Variants in TMEM204 observed in about 807,000 individuals in gnomAD.
TMEM204 encodes the protein claudin-like protein 24.
A neutral mutation model predicts 19.4 loss-of-function variants in TMEM204; 15 were observed. That is an observed-to-expected ratio of 0.77 (90% confidence interval 0.52 to 1.19). The LOEUF (loss-of-function observed/expected upper bound fraction) is 1.19. TMEM204 is among the 50% of genes most tolerant of loss of function. TMEM204 has a pLI of 0.00. For synonymous variants in TMEM204, 161 were observed against 146.0 expected, an observed-to-expected ratio of 1.10 and a Z score of -0.74; for missense variants, 287 against 321.2, an observed-to-expected ratio of 0.89 and a Z score of 0.81.
At chr16:1,548,484 C>T (rs1050922575) in intron 2 of TMEM204, among the ~76,000 whole-genome samples, 1 of 152,228 alleles carries the variant, frequency 6.6e-6, no homozygotes, top group Non-Finnish European at 1.5e-5. Context: ...GGCAACACAA[C>T]TTCATGAAAT....
At chr16:1,544,342 C>A (rs1396012052) in intron 2 of TMEM204, among the ~76,000 whole-genome samples, 1 of 151,498 alleles carries the variant, frequency 6.6e-6, no homozygotes, top group Non-Finnish European at 1.5e-5. Context: ...CGCCACCATG[C>A]CCGGCTAATT....
At chr16:1,549,771 C>T (rs1162999948) in intron 2 of TMEM204, among the ~76,000 whole-genome samples, 1 of 152,022 alleles carries the variant, frequency 6.6e-6, no homozygotes, top group African/African-American at 2.4e-5. Flanking sequence ...TTTCTAGACT[C>T]ATGACTCAGG....
At chr16:1,548,118 T>C (rs2032325771) in intron 2 of TMEM204, among the ~76,000 whole-genome samples, 1 of 152,198 alleles carries the variant, frequency 6.6e-6, no homozygotes, top group African/African-American at 2.4e-5. Context: ...CCTCTCCCTC[T>C]AGAGAGGATT....
Position 1,542,063 on chromosome 16 carries a change from A to T in TMEM204, c.423A>T (p.Ala141=). 1 of 1,607,880 alleles carries T rather than the reference A, an allele frequency of 6.2e-7. No homozygotes were observed. The highest frequency in any genetic ancestry group is 8.5e-7 in the Non-Finnish European group (1 of 1,178,028). ...APCWEEAMAA[A]FQLASFVLVI... ...GCTGGGAGGAGGCCATGGCCGCTGCATTCCAACTGGCGAGTAAGTACCTGG... is the reference window on the plus strand; with the variant it reads ...GCTGGGAGGAGGCCATGGCCGCTGCTTTCCAACTGGCGAGTAAGTACCTGG... The change falls in exon 2 of 3, where the codon GCA becomes GCT. Residue 141 remains alanine, a synonymous_variant. Transcript: ENST00000566264.
upstream of TMEM204, among the ~76,000 whole-genome samples, chr16:1,529,535 G>A (rs2030216256): frequency 2.0e-5 from 3 of 152,234 alleles, no homozygotes; most frequent in South Asian, 4.1e-4. Context: ...GCGCTCCTCA[G>A]TCTTTTGGGT....
intron 1 of TMEM204, chr16:1,541,288 C>A: frequency 1.0e-6 from 1 of 985,084 alleles, no homozygotes; most frequent in Non-Finnish European, 1.2e-6. Flanking sequence ...GTGAGGGGGG[C>A]AGGTGGGGGG....
intron 1 of TMEM204, among the ~76,000 whole-genome samples, chr16:1,537,819 G>C (rs986296051): frequency 3.9e-5 from 6 of 152,188 alleles, no homozygotes; most frequent in African/African-American, 1.4e-4. Context: ...CGCTAGCTGA[G>C]GGGGAGCCCC....
At position 1,534,442 on chromosome 16, in the gene TMEM204, G is replaced by T. The variant is rs756363610; in HGVS notation, c.167G>T (p.Arg56Leu). 12 of 1,611,594 alleles carry T rather than the reference G, an allele frequency of 7.4e-6. No individual in the cohort carries two copies. The highest frequency in any genetic ancestry group is 9.3e-6 in the Non-Finnish European group (11 of 1,179,710). Residue 56 changes from arginine to leucine, a missense_variant, in exon 1 of 3, where the codon CGG becomes CTG. By Grantham distance (102) the Arg-to-Leu change is moderately radical. Coordinates refer to ENST00000566264, the MANE Select transcript of TMEM204 (RefSeq NM_024600.6). ...WRSCWLVDRT[R>L]GGPSPGARAG... ...TCCTGCTGGCTGGTGGACAGGACCC[G>T]GGGAGGGCCGAGCCCTGGGGCCAGA...
intron 2 of TMEM204, among the ~76,000 whole-genome samples, chr16:1,547,414 T>C (rs113026326): frequency 1.3e-5 from 2 of 152,384 alleles, no homozygotes; most frequent in African/African-American, 4.8e-5. Context: ...GCAGGGTTGA[T>C]ACTCACTGAC....
chr16:1,541,465 G>A (rs541431537), intron 1 of TMEM204: 172 of 985,392 alleles, frequency 1.7e-4, no homozygotes, highest in Non-Finnish European at 1.8e-4. Flanking sequence ...CAGCACGCCT[G>A]AGGAGCTGGC....
At chr16:1,542,196 T>A in intron 2 of TMEM204, 120 bp downstream of exon 2, 1 of 1,146,798 alleles carries the variant, frequency 8.7e-7, no homozygotes, top group Non-Finnish European at 1.2e-6. Flanking sequence ...CCTCTCAACA[T>A]GGCCACAGGC....
intron 1 of TMEM204, 124 bp downstream of exon 1, chr16:1,534,679 C>G: frequency 7.1e-7 from 1 of 1,400,106 alleles, no homozygotes; most frequent in South Asian, 1.2e-5. Context: ...CTGAGCGTGG[C>G]CTCTGGGCAG....
intron 1 of TMEM204, among the ~76,000 whole-genome samples, chr16:1,540,452 T>TG (rs2031526164): frequency 6.6e-6 from 1 of 152,214 alleles, no homozygotes; most frequent in Non-Finnish European, 1.5e-5. Flanking sequence ...CTTCCCCTGC[T>TG]GGGCTGGCTT....
chr16:1,553,931 A>C lies in TMEM204; in HGVS notation c.437-851A>C. ...ACTAAAAAGGTCTTTGGAGCTCCTC[A>C]AAGATAAAACTGTAAGTGAAACTGT... is the stretch of plus-strand genomic sequence containing the variant. On this transcript the variant is annotated intron_variant, in intron 2 of 2. Transcript: ENST00000566264. This position sits in a 1 kb window ranked among gnomAD's most constrained non-coding sequence, Gnocchi z 4.4. 1 of 1,285,036 alleles carries C rather than the reference A, an allele frequency of 7.8e-7. No individual in the cohort carries two copies. Among genetic ancestry groups the C allele is most frequent in the East Asian group, 5.6e-5 (1 of 17,972 alleles). The allele number at this position is 1,285,036 out of a possible 1,614,324, so 79.6% of individuals were successfully genotyped here. A position where few individuals can be genotyped will look rare whatever the true frequency, so the allele number is the denominator to read the frequency against.
At chr16:1,548,667 A>T (rs2032377064) in intron 2 of TMEM204, among the ~76,000 whole-genome samples, 1 of 152,062 alleles carries the variant, frequency 6.6e-6, no homozygotes, top group Admixed American at 6.5e-5. Flanking sequence ...GAAAACTCAA[A>T]GGTTTAGGGC....
intron 2 of TMEM204, among the ~76,000 whole-genome samples, chr16:1,548,666 A>C (rs2032376843): frequency 6.6e-6 from 1 of 152,038 alleles, no homozygotes; most frequent in Non-Finnish European, 1.5e-5. Flanking sequence ...GGAAAACTCA[A>C]AGGTTTAGGG....
chr16:1,540,946 G>C, intron 1 of TMEM204: 1 of 985,444 alleles, frequency 1.0e-6, no homozygotes, highest in Non-Finnish European at 1.2e-6. Flanking sequence ...TCTGCAGCGT[G>C]CAGGGGCCTG....
At chr16:1,542,435 T>C (rs971748038) in intron 2 of TMEM204, among the ~76,000 whole-genome samples, 3 of 152,192 alleles carry the variant, frequency 2.0e-5, no homozygotes, top group Non-Finnish European at 4.4e-5. Context: ...TCCTGCCCCT[T>C]CCTCAATGCT....
chr16:1,554,006 C>T, intron 2 of TMEM204: 1 of 1,287,250 alleles, frequency 7.8e-7, no homozygotes, highest in Non-Finnish European at 1.0e-6. Context: ...CCAAGGGTTG[C>T]TCACGGCCCA....
Sources: gnomAD v4.1 joint callset for allele counts (sites outside exome capture counted in the v4.1 genomes callset) on GRCh38, gnomAD v4.1.1 for gene constraint, Gnocchi (gnomAD v3.1) non-coding constraint, MANE v1.5 for transcripts, NCBI Gene and HGNC (gene_info 2026-07-23, HGNC 2026-07-21) for gene names.